Variants in LRP1B observed in about 807,000 individuals in gnomAD.
LRP1B encodes the protein low-density lipoprotein receptor-related protein 1B.
A neutral mutation model predicts 556.6 loss-of-function variants in LRP1B; 217 were observed. The ratio of observed to expected loss-of-function variants is 0.39; its 90% CI spans 0.35 to 0.44. The LOEUF is 0.44. Among genes scored for constraint, LRP1B ranks in the 20% least tolerant of loss-of-function variants. LRP1B has a pLI of 1.00. For missense variants in LRP1B, 5,053 were observed against 5,620.8 expected, an observed-to-expected ratio of 0.90 and a Z score of 3.23; for synonymous variants, 2,047 against 1,865.8, an observed-to-expected ratio of 1.10 and a Z score of -2.50.
intron 1 of LRP1B, among the ~76,000 whole-genome samples, chr2:142,008,900 TTCTAAA>T (rs1162316116): frequency 6.6e-6 from 1 of 152,138 alleles, no homozygotes; most frequent in Admixed American, 6.5e-5. Flanking sequence ...GAATTCCACA[TTCTAAA>T]TCTGTAGCTT....
In LRP1B at chr2:141,509,176, C is replaced by T. The variant is rs1396294737; in HGVS notation, c.206-28643G>A. Among the ~76,000 whole-genome samples the T allele has an allele frequency of 3.9e-5, 6 of 152,140 alleles. 1 individual carries two copies. The South Asian group carries it at 1.2e-3, about 32-fold the overall frequency. On this transcript the variant is annotated intron_variant, in intron 2 of 90. Coordinates refer to ENST00000389484, the MANE Select transcript of LRP1B (RefSeq NM_018557.3). ...TTCCTCAAGCAAGAAATACAGCCCA[C>T]TTGTATTGCATGGAAACTGGAGATA...
chr2:142,027,398 T>TATATATATATATATATA (rs1703544594), intron 1 of LRP1B, among the ~76,000 whole-genome samples: 27 of 151,548 alleles, frequency 1.8e-4, no homozygotes, highest in African/African-American at 6.5e-4. Context: ...CCACTATATA[T>TATATATATATATATATA]TCAATAATAT....
At chr2:141,959,668 T>C (rs1701349961) in intron 1 of LRP1B, among the ~76,000 whole-genome samples, 1 of 151,962 alleles carries the variant, frequency 6.6e-6, no homozygotes, top group Admixed American at 6.6e-5. Context: ...TAAAATACAT[T>C]TAAAATATTA....
At chr2:141,313,037 C>T (rs1423758105) in intron 3 of LRP1B, among the ~76,000 whole-genome samples, 3 of 152,084 alleles carry the variant, frequency 2.0e-5, no homozygotes, top group Non-Finnish European at 4.4e-5. Context: ...GTGAAGACAT[C>T]TTTTTATAAG....
intron 32 of LRP1B, among the ~76,000 whole-genome samples, chr2:140,788,337 A>G (rs1355292405): frequency 2.0e-5 from 3 of 152,228 alleles, no homozygotes; most frequent in Non-Finnish European, 4.4e-5. Context: ...GGAATTATTT[A>G]TCAGTATCAT....
rs1240452531 is a variant in LRP1B, at chr2:141,058,889, G to A, written c.1402C>T (p.Pro468Ser). The change falls in exon 9 of 91, where the codon CCA becomes TCA. Residue 468 changes from proline to serine, a missense_variant. By Grantham distance (74) the Pro-to-Ser change is moderately conservative. Transcript: ENST00000389484. ...GIRIYQKRTQ[P>S]TVRSHACEVD... ...AAGAAGCTTTCCCACTTACCTGTTG[G>A]TTGAGTTCTTTTTTGATAAATTCGG... 1 of 1,587,938 alleles carries A rather than the reference G, an allele frequency of 6.3e-7. No individual in the cohort carries two copies. The highest frequency in any genetic ancestry group is 8.6e-7 in the Non-Finnish European group (1 of 1,168,890).
chr2:142,104,070 T>C (rs925236782), intron 1 of LRP1B, among the ~76,000 whole-genome samples: 1 of 152,166 alleles, frequency 6.6e-6, no homozygotes, highest in Non-Finnish European at 1.5e-5. Context: ...TTTCAATTCT[T>C]TTCCACTTCC....
intron 1 of LRP1B, among the ~76,000 whole-genome samples, chr2:141,863,320 T>C (rs1200819518): frequency 6.6e-6 from 1 of 152,168 alleles, no homozygotes; most frequent in African/African-American, 2.4e-5. Context: ...TTAAAGAGTT[T>C]ATATTGTGGT....
chr2:140,298,317 C>CAT (rs34767625), intron 83 of LRP1B, among the ~76,000 whole-genome samples: 147,111 of 152,160 alleles, frequency 0.97, 71,325 homozygotes, highest in Middle Eastern at 1. Context: ...TTATTCTACT[C>CAT]ATGTGATAAT....
At chr2:140,989,891 C>CT (rs991878821) in intron 16 of LRP1B, among the ~76,000 whole-genome samples, 3 of 151,984 alleles carry the variant, frequency 2.0e-5, no homozygotes, top group African/African-American at 7.2e-5. Flanking sequence ...GAAATGTATT[C>CT]TTTTTTTATG....
At chr2:141,915,904 T>C (rs916601668) in intron 1 of LRP1B, among the ~76,000 whole-genome samples, 2 of 152,126 alleles carry the variant, frequency 1.3e-5, no homozygotes, top group African/African-American at 4.8e-5. Context: ...AATCAGAGTG[T>C]CTATTATTAC....
At chr2:141,447,083 C>T (rs1288037467) in intron 3 of LRP1B, among the ~76,000 whole-genome samples, 1 of 152,008 alleles carries the variant, frequency 6.6e-6, no homozygotes, top group Non-Finnish European at 1.5e-5. Context: ...CACATAGTCC[C>T]ATATTTCTTG....
chr2:140,233,495 TACTCA>T (rs1680562774), intron 90 of LRP1B, among the ~76,000 whole-genome samples, 169 bp from the exon 91 acceptor site: 2 of 151,212 alleles, frequency 1.3e-5, no homozygotes, highest in Non-Finnish European at 3.0e-5. Flanking sequence ...TTACAGACTT[TACTCA>T]ACTCAAGCAT....
chr2:141,048,009 T>C (rs1421618028), intron 11 of LRP1B, among the ~76,000 whole-genome samples: 3 of 152,164 alleles, frequency 2.0e-5, no homozygotes, highest in Non-Finnish European at 4.4e-5. Context: ...AACTTATTAA[T>C]TAAATGCTGC....
intron 7 of LRP1B, among the ~76,000 whole-genome samples, chr2:141,112,052 AAATAAATAAATAAATAAAT>A (rs1700767013): frequency 1.1e-5 from 1 of 91,702 alleles, no homozygotes; most frequent in Non-Finnish European, 2.3e-5. Flanking sequence ...CCTCAAAAAT[AAATAAATAAATAAATAAAT>A]AATAAATAAA....
intron 1 of LRP1B, among the ~76,000 whole-genome samples, chr2:142,042,574 T>C (rs886496016): frequency 6.6e-6 from 1 of 151,502 alleles, no homozygotes; most frequent in African/African-American, 2.4e-5. Context: ...TGTTTGTTAT[T>C]CACAGCAATA....
At chr2:140,787,303 ACTT>A (rs977084076) in intron 32 of LRP1B, among the ~76,000 whole-genome samples, 4 of 151,942 alleles carry the variant, frequency 2.6e-5, no homozygotes, top group Admixed American at 6.6e-5. Context: ...GCCTCAATTT[ACTT>A]CTTCTATCTG....
chr2:140,434,132 C>T (rs977135726), intron 66 of LRP1B, among the ~76,000 whole-genome samples: 4 of 151,786 alleles, frequency 2.6e-5, no homozygotes, highest in Admixed American at 6.6e-5. Context: ...TGTAGTGGTG[C>T]GATCTCTGCT....
intron 1 of LRP1B, among the ~76,000 whole-genome samples, chr2:141,983,178 T>G (rs1574559174): frequency 1.9e-5 from 1 of 51,402 alleles, no homozygotes; most frequent in East Asian, 2.1e-3. Flanking sequence ...TGGACAGAAG[T>G]AGAAAAAATA....
Sources: gnomAD v4.1 joint callset for allele counts (sites outside exome capture counted in the v4.1 genomes callset) on GRCh38, gnomAD v4.1.1 for gene constraint, MANE v1.5 for transcripts, NCBI Gene and HGNC (gene_info 2026-07-23, HGNC 2026-07-21) for gene names.